NTM: variants seen among roughly 807,000 people sequenced by gnomAD.
The protein encoded by NTM is neurotrimin.
Under a neutral mutation model 42.1 loss-of-function variants are expected in NTM, and 13 were observed. The ratio of observed to expected loss-of-function variants is 0.31; its 90% confidence interval spans 0.20 to 0.49. NTM has a LOEUF of 0.49. Ranked by LOEUF, NTM falls within the 20% of genes least tolerant of loss-of-function variation. The pLI, the probability that NTM is intolerant of heterozygous loss-of-function variation, is 0.99. For missense variants in NTM, 373 were observed against 452.8 expected, an observed-to-expected ratio of 0.82 and a Z score of 1.60; for synonymous variants, 187 against 179.2, an observed-to-expected ratio of 1.04 and a Z score of -0.35.
chr11:131,946,834 C>A (rs2060399514), intron 2 of NTM, among the ~76,000 whole-genome samples: 1 of 152,184 alleles, frequency 6.6e-6, no homozygotes, highest in Non-Finnish European at 1.5e-5. Context: ...TTCACTAGTT[C>A]CTTATAAATT....
chr11:132,010,375 G>A (rs765751145), intron 2 of NTM, among the ~76,000 whole-genome samples: 28 of 152,166 alleles, frequency 1.8e-4, no homozygotes, highest in Non-Finnish European at 2.9e-4. Context: ...GAAGTTATAG[G>A]ATGACAGATA....
chr11:131,853,896 C>T (rs1413947507), intron 1 of NTM, among the ~76,000 whole-genome samples: 1 of 152,180 alleles, frequency 6.6e-6, no homozygotes, highest in Non-Finnish European at 1.5e-5. Flanking sequence ...ACAACCTTGC[C>T]AGCATCTGCT....
chr11:131,927,290 G>A (rs1227761329), intron 2 of NTM, among the ~76,000 whole-genome samples: 1 of 152,076 alleles, frequency 6.6e-6, no homozygotes, highest in African/African-American at 2.4e-5. Flanking sequence ...CTGCACCTGG[G>A]GTTGCCTTTG....
intron 2 of NTM, among the ~76,000 whole-genome samples, chr11:132,024,864 A>G (rs183712204): frequency 2.7e-4 from 41 of 152,278 alleles, no homozygotes; most frequent in Admixed American, 5.9e-4. Flanking sequence ...AGGAACACAC[A>G]CCGACTACAG....
chr11:131,647,811 T>A (rs940694846), intron 1 of NTM, among the ~76,000 whole-genome samples: 1 of 152,200 alleles, frequency 6.6e-6, no homozygotes, highest in Non-Finnish European at 1.5e-5. Context: ...GTATGTGTAC[T>A]TTATAGATAT....
intron 1 of NTM, chr11:131,767,243 G>T (rs893358946): frequency 3.9e-5 from 16 of 411,408 alleles, no homozygotes; most frequent in Non-Finnish European, 5.2e-5. Flanking sequence ...TCATAGGATT[G>T]TTGTAAGAAT....
intron 2 of NTM, among the ~76,000 whole-genome samples, chr11:132,032,197 T>C (rs2076016125): frequency 6.6e-6 from 1 of 152,134 alleles, no homozygotes; most frequent in Non-Finnish European, 1.5e-5. Flanking sequence ...TCTGAAGCCC[T>C]CTCCCACTTT....
intron 1 of NTM, among the ~76,000 whole-genome samples, chr11:131,569,800 C>G (rs2057284533): frequency 6.6e-6 from 1 of 152,288 alleles, no homozygotes; most frequent in South Asian, 2.1e-4. Context: ...AAGCTGGTTT[C>G]AAACTCTTGG....
intron 1 of NTM, among the ~76,000 whole-genome samples, chr11:131,740,948 A>G (rs982430846): frequency 1.3e-5 from 2 of 152,068 alleles, no homozygotes; most frequent in African/African-American, 2.4e-5. Flanking sequence ...CGTACAGATC[A>G]CAGGTCAGGA....
intron 1 of NTM, chr11:131,794,446 C>A (rs2091317431): frequency 1.0e-6 from 1 of 983,316 alleles, no homozygotes; most frequent in Non-Finnish European, 1.2e-6. Flanking sequence ...AATGCTGTCA[C>A]ATGAGGCGTT....
chr11:131,982,263 G>A (rs1049186428), intron 2 of NTM, among the ~76,000 whole-genome samples: 1 of 152,080 alleles, frequency 6.6e-6, no homozygotes, highest in Non-Finnish European at 1.5e-5. Flanking sequence ...ACAGGAACTT[G>A]CCCTGATTGG....
chr11:131,988,866 A>G lies in NTM; in HGVS notation c.167+77218A>G, dbSNP rs1475738704. Among the ~76,000 whole-genome samples, 3 of 152,214 alleles carry G rather than the reference A, an allele frequency of 2.0e-5. No individual in the cohort carries two copies. The East Asian group carries it at 5.8e-4, about 29-fold the overall frequency. On this transcript the variant is annotated intron_variant, in intron 2 of 8. Coordinates refer to ENST00000683400, the MANE Select transcript of NTM (RefSeq NM_001352005.2). ...GTGATGAAAACGTAGTACCAAAAAC[A>G]CTGTTATATTTCTTTATTTTAAGCC...
At chr11:132,245,932 C>T (rs1470067172) in intron 4 of NTM, among the ~76,000 whole-genome samples, 8 of 152,210 alleles carry the variant, frequency 5.3e-5, no homozygotes, top group African/African-American at 1.9e-4. Context: ...ATTTGATCTT[C>T]TCTACTCATC....
At chr11:131,415,043 C>T (rs984269877) in intron 1 of NTM, among the ~76,000 whole-genome samples, 7 of 152,170 alleles carry the variant, frequency 4.6e-5, no homozygotes, top group Non-Finnish European at 1.0e-4. Flanking sequence ...AGGTCAGATT[C>T]TTCCCTTGAG....
At chr11:131,953,523 T>A (rs187960299) in intron 2 of NTM, among the ~76,000 whole-genome samples, 3 of 152,304 alleles carry the variant, frequency 2.0e-5, no homozygotes, top group African/African-American at 7.2e-5. Flanking sequence ...ATTAAAATAT[T>A]TGGGAAAAAA....
chr11:131,837,018 A>C (rs2043588719), intron 1 of NTM, among the ~76,000 whole-genome samples: 1 of 152,240 alleles, frequency 6.6e-6, no homozygotes, highest in African/African-American at 2.4e-5. Context: ...ACTCAAGTAC[A>C]CATAAGCTAT....
chr11:131,603,446 T>G (rs2060657906), intron 1 of NTM, among the ~76,000 whole-genome samples: 1 of 152,178 alleles, frequency 6.6e-6, no homozygotes, highest in African/African-American at 2.4e-5. Context: ...GACTATAGTT[T>G]GAGTAGCGTG....
intron 2 of NTM, among the ~76,000 whole-genome samples, chr11:131,933,235 G>C (rs1266806928): frequency 1.3e-5 from 2 of 152,182 alleles, no homozygotes; most frequent in Admixed American, 6.5e-5. Context: ...CAGGGAGTGC[G>C]TGGGGCCCTG....
intron 1 of NTM, among the ~76,000 whole-genome samples, chr11:131,561,144 G>A (rs1414604788): frequency 6.6e-6 from 1 of 152,210 alleles, no homozygotes; most frequent in East Asian, 1.9e-4. Context: ...TTATTTCGGT[G>A]GCAGCAGCAT....
Sources: allele counts gnomAD v4.1 joint callset (sites outside exome capture counted in the v4.1 genomes callset), GRCh38; gene constraint gnomAD v4.1.1; transcripts MANE v1.5; gene names NCBI Gene and HGNC (gene_info 2026-07-23, HGNC 2026-07-21).